CENPP: variants seen among roughly 807,000 people sequenced by gnomAD.
The protein encoded by CENPP is centromere protein P.
A neutral mutation model predicts 35.6 loss-of-function variants in CENPP; 24 were observed. The ratio of observed to expected loss-of-function variants is 0.67; its 90% CI spans 0.49 to 0.95. The LOEUF (loss-of-function observed/expected upper bound fraction) is 0.95. CENPP is among the 40% of genes least tolerant of loss of function. The probability of loss-of-function intolerance (pLI) is 0.00; values close to 1 mark genes in which losing one functional copy is unlikely to be tolerated. For missense variants in CENPP, 332 were observed against 345.3 expected, an observed-to-expected ratio of 0.96 and a Z score of 0.31; for synonymous variants, 120 against 125.5, an observed-to-expected ratio of 0.96 and a Z score of 0.29.
chr9:92,555,499 G>C (rs766364904), intron 5 of CENPP, among the ~76,000 whole-genome samples: 50 of 151,980 alleles, frequency 3.3e-4, no homozygotes, highest in Non-Finnish European at 6.9e-4. Context: ...AAAGTGCTGG[G>C]ATTACAGGTA....
In CENPP at chr9:92,352,301, C is replaced by T. The variant is rs1395314216; in HGVS notation, c.467+6514C>T. ...ACGAAAATCGCTTGAACCGGGGAGG[C>T]GGAGGTTGCAGTGAACCAAGATTGT... On this transcript the variant is annotated intron_variant, in intron 4 of 7. Transcript: ENST00000375587. Among the ~76,000 whole-genome samples the T allele has an allele frequency of 2.0e-5, 3 of 149,744 alleles. No individual in the cohort carries two copies. The East Asian group carries it at 5.9e-4, about 30-fold the overall frequency.
intron 5 of CENPP, among the ~76,000 whole-genome samples, chr9:92,499,441 T>C (rs1477671102): frequency 2.0e-5 from 3 of 152,168 alleles, no homozygotes; most frequent in Non-Finnish European, 4.4e-5. Context: ...TTGTTACCTC[T>C]AATGAAATAA....
At chr9:92,410,079 G>A (rs937422143) in intron 5 of CENPP, among the ~76,000 whole-genome samples, 2 of 151,988 alleles carry the variant, frequency 1.3e-5, no homozygotes, top group African/African-American at 4.8e-5. Flanking sequence ...TGGGACTTCA[G>A]GTGCGTACCA....
chr9:92,431,378 T>A (rs568211410), intron 5 of CENPP, among the ~76,000 whole-genome samples: 1 of 152,330 alleles, frequency 6.6e-6, no homozygotes, highest in South Asian at 2.1e-4. Flanking sequence ...TTTGTTTAGA[T>A]CTCATTAATA....
At chr9:92,561,637 G>A (rs1221113577) in intron 5 of CENPP, among the ~76,000 whole-genome samples, 1 of 152,190 alleles carries the variant, frequency 6.6e-6, no homozygotes, top group Non-Finnish European at 1.5e-5. Context: ...CCATAAGGGT[G>A]TACATTCAAA....
chr9:92,583,815 G>A (rs531449906), intron 5 of CENPP, among the ~76,000 whole-genome samples: 2 of 152,158 alleles, frequency 1.3e-5, no homozygotes, highest in South Asian at 4.2e-4. Flanking sequence ...TGTTTATGGT[G>A]GTATGCCATT....
chr9:92,543,024 C>A (rs1235854325), intron 5 of CENPP, among the ~76,000 whole-genome samples: 1 of 152,188 alleles, frequency 6.6e-6, no homozygotes, highest in Non-Finnish European at 1.5e-5. Flanking sequence ...AACCAATTCA[C>A]TGTAAATGCA....
At chr9:92,384,142 G>T (rs1005655300) in intron 5 of CENPP, 3 of 152,152 alleles carry the variant, frequency 2.0e-5, no homozygotes, top group African/African-American at 7.2e-5. Context: ...TAGTATAATA[G>T]CTGTGATCAT....
At chr9:92,612,700 C>T (rs1040533275) in intron 7 of CENPP, 86 bp downstream of exon 7, 3 of 969,594 alleles carry the variant, frequency 3.1e-6, no homozygotes, top group African/African-American at 1.6e-5. Flanking sequence ...TTTCAAAGGG[C>T]AAGAATCAAA....
intron 5 of CENPP, chr9:92,496,248 T>C (rs1846338193): frequency 4.0e-6 from 6 of 1,508,470 alleles, no homozygotes; most frequent in East Asian, 2.3e-5. Flanking sequence ...GTCTCTCTTA[T>C]TAATGACAAA....
intron 5 of CENPP, among the ~76,000 whole-genome samples, chr9:92,441,114 A>G (rs1405951328): frequency 6.6e-6 from 1 of 152,214 alleles, no homozygotes; most frequent in Non-Finnish European, 1.5e-5. Flanking sequence ...TTAATAAAAA[A>G]CAAGTGCATG....
chr9:92,496,710 T>C (rs1050836164), intron 5 of CENPP, among the ~76,000 whole-genome samples: 1 of 152,212 alleles, frequency 6.6e-6, no homozygotes, highest in Non-Finnish European at 1.5e-5. Flanking sequence ...TCTTTCTGTA[T>C]GTGATTTGAA....
At chr9:92,460,080 A>G (rs2131042643) in intron 5 of CENPP, among the ~76,000 whole-genome samples, 1 of 138,688 alleles carries the variant, frequency 7.2e-6, no homozygotes, top group African/African-American at 2.7e-5. Context: ...TTTTTTTTTA[A>G]GATGGAGTCT....
chr9:92,446,828 T>C (rs1311807180), intron 5 of CENPP, among the ~76,000 whole-genome samples: 11 of 86,610 alleles, frequency 1.3e-4, no homozygotes, highest in Admixed American at 2.3e-4. Context: ...AAAAAAAAAA[T>C]AGAAAAGAAA....
chr9:92,533,581 T>C (rs988345581), intron 5 of CENPP, among the ~76,000 whole-genome samples: 1 of 151,764 alleles, frequency 6.6e-6, no homozygotes, highest in Admixed American at 6.6e-5. Flanking sequence ...TTTCTCACCC[T>C]TTCTAGTTAT....
intron 4 of CENPP, among the ~76,000 whole-genome samples, chr9:92,368,718 T>C (rs572878817): frequency 6.6e-6 from 1 of 152,318 alleles, no homozygotes; most frequent in Non-Finnish European, 1.5e-5. Context: ...TGTGTTCATA[T>C]GCACTGCATG....
intron 5 of CENPP, among the ~76,000 whole-genome samples, chr9:92,603,815 C>G (rs554818369): frequency 6.6e-6 from 1 of 152,164 alleles, no homozygotes; most frequent in Non-Finnish European, 1.5e-5. Flanking sequence ...TTGCCCACCT[C>G]CCCAGTCCAC....
intron 5 of CENPP, chr9:92,600,232 G>T (rs919508818): frequency 3.0e-6 from 4 of 1,314,258 alleles, no homozygotes; most frequent in Non-Finnish European, 3.9e-6. Flanking sequence ...ACAGAAGGGC[G>T]TGGGATCTGG....
At chr9:92,451,178 A>G (rs1286361376) in intron 5 of CENPP, among the ~76,000 whole-genome samples, 1 of 148,988 alleles carries the variant, frequency 6.7e-6, no homozygotes, top group South Asian at 2.1e-4. Flanking sequence ...GCCCATGCCT[A>G]TGTCCTGAAT....
Sources: allele counts gnomAD v4.1 joint callset (sites outside exome capture counted in the v4.1 genomes callset), GRCh38; gene constraint gnomAD v4.1.1; transcripts MANE v1.5; gene names NCBI Gene and HGNC (gene_info 2026-07-23, HGNC 2026-07-21).